The following HHLA1 variants were observed in gnomAD, a reference collection of about 807,000 sequenced individuals.
HHLA1 encodes the protein HERV-H LTR-associating protein 1.
HHLA1 carries 72 observed loss-of-function variants against 69.9 expected under a neutral mutation model. The ratio of observed to expected loss-of-function variants is 1.03; its 90% CI spans 0.85 to 1.25. The LOEUF is 1.25. Ranked by LOEUF, HHLA1 falls within the 50% of genes most tolerant of loss-of-function variation. The pLI is 0.00. For synonymous variants in HHLA1, 252 were observed against 233.2 expected (o/e 1.08, Z -0.73); for missense variants, 685 against 642.2 (o/e 1.07, Z -0.72).
intron 10 of HHLA1, among the ~76,000 whole-genome samples, chr8:132,081,638 C>A (rs1342968631): frequency 1.3e-5 from 2 of 152,104 alleles, no homozygotes; most frequent in Admixed American, 6.6e-5. Flanking sequence ...ACTGCGGTGG[C>A]CTTCTCAGAC....
Position 132,089,553 on chromosome 8 carries a change from G to T in HHLA1, c.495C>A (p.Tyr165Ter), listed in dbSNP as rs1823912950. Residue 165 changes from tyrosine to a stop codon, truncating the protein, a stop_gained, in exon 8 of 17, where the codon TAC (tyrosine) becomes TAA (stop). Transcript: ENST00000414222. LOFTEE classifies it high-confidence loss of function. ...AGGTTGACTTAAAAATCTCTGTGAG[G>T]TAGCTGGTAGAATTGCCGATGATAT... ...LVDIIGNSTS[Y>*]LTEIFKSTSI... 1 of 1,533,150 alleles carries T rather than the reference G, an allele frequency of 6.5e-7. No homozygotes were observed. Among genetic ancestry groups the T allele is most frequent in the South Asian group, 1.2e-5 (1 of 83,648 alleles). The allele number at this position is 1,533,150 out of a possible 1,614,324, so 95.0% of individuals were successfully genotyped here.
chr8:132,097,696 T>C (rs954002491), intron 5 of HHLA1, among the ~76,000 whole-genome samples: 1 of 152,182 alleles, frequency 6.6e-6, no homozygotes, highest in African/African-American at 2.4e-5. Flanking sequence ...TACAGGTAGA[T>C]CACTGCCTTC....
chr8:132,062,150 G>T lies in HHLA1; in HGVS notation c.*1845C>A, dbSNP rs1823364241. The T allele has an allele frequency of 6.6e-6, 1 of 152,202 alleles. No individual in the cohort carries two copies. Among genetic ancestry groups the T allele is most frequent in the African/African-American group, 2.4e-5 (1 of 41,456 alleles). 9.4% of individuals were successfully genotyped at this position (152,202 alleles called of 1,614,324 possible). A position where few individuals can be genotyped will look rare whatever the true frequency, so the allele number is the denominator to read the frequency against. On this transcript the variant is annotated 3_prime_UTR_variant, in exon 17 of 17. Transcript: ENST00000414222. ...AAATTAATCCATGCTTAATGAGTTT[G>T]CTTGGTTCCTATCCAGGTAGAAGTC...
rs1360368751 is a variant in HHLA1, at chr8:132,077,743, T to TG, written c.1153dup (p.Gln385ProfsTer31). 1 of 1,551,664 alleles carries TG rather than the reference T, an allele frequency of 6.4e-7. No individual in the cohort carries two copies. The highest frequency in any genetic ancestry group is 1.2e-5 in the South Asian group (1 of 84,060). On this transcript the variant is annotated frameshift_variant, in exon 12 of 17. Coordinates refer to ENST00000414222, the MANE Select transcript of HHLA1 (RefSeq NM_001145095.3). LOFTEE classifies it high-confidence loss of function. ...TCTCTTACCCAAGGTAGGGCTGGCCTGGGATGGGCTGCCAGGTGTGGCCAT... is the reference window on the plus strand; with the variant it reads ...TCTCTTACCCAAGGTAGGGCTGGCCTGGGGATGGGCTGCCAGGTGTGGCCAT...
chr8:132,070,201 G>A, intron 15 of HHLA1: 1 of 637,096 alleles, frequency 1.6e-6, no homozygotes, highest in Non-Finnish European at 2.8e-6. Context: ...ATTCATCTAT[G>A]TAATTTAGTT....
rs551847132 is a variant in HHLA1 at position 132,101,202 on chromosome 8, G to C, written c.140-1068C>G. On this transcript the variant is annotated intron_variant, in intron 3 of 16. Coordinates refer to ENST00000414222, the MANE Select transcript of HHLA1 (RefSeq NM_001145095.3). ...TCTGAAAAATGTGCCCTGCATTACA[G>C]AGTAAGTCAGGATTTAGGGCTGCCC... 26 of 1,550,044 alleles carry C rather than the reference G, an allele frequency of 1.7e-5. No individual in the cohort carries two copies. In the South Asian group the frequency reaches 1.9e-4, roughly 11 times the overall value.
rs3048490 is a variant in HHLA1, at chr8:132,102,792, ATTTTTTTTT to A, written c.139+1307_139+1315del. On this transcript the variant is annotated intron_variant, in intron 3 of 16. Transcript: ENST00000414222. ...TGTGTCATCTTCTTCACTGAGCACCATTTTTTTTTTTTTTTTTTTTTTTTTTAGCACTAT... is the reference window on the plus strand; with the variant it reads ...TGTGTCATCTTCTTCACTGAGCACCATTTTTTTTTTTTTTTTTAGCACTAT... Among the ~76,000 whole-genome samples, 91 of 143,892 alleles carry A rather than the reference ATTTTTTTTT, an allele frequency of 6.3e-4. 1 individual carries two copies. The highest frequency in any genetic ancestry group is 2.2e-3 in the African/African-American group (85 of 38,646). The allele number at this position is 143,892 out of a possible 152,430, so 94.4% of individuals were successfully genotyped here.
Position 132,064,039 on chromosome 8 carries a change from C to G in HHLA1, c.1553-1G>C, listed in dbSNP as rs1284959991. 1 of 1,301,872 alleles carries G rather than the reference C, an allele frequency of 7.7e-7. No individual in the cohort carries two copies. The allele number at this position is 1,301,872 out of a possible 1,614,324, so 80.6% of individuals were successfully genotyped here. A position where few individuals can be genotyped will look rare whatever the true frequency, so the allele number is the denominator to read the frequency against. On this transcript the variant is annotated splice_acceptor_variant, in intron 16 of 16. Coordinates refer to ENST00000414222, the MANE Select transcript of HHLA1 (RefSeq NM_001145095.3). LOFTEE classifies it high-confidence loss of function. ...TTCTCAAGGCACTTTTGCTTTAAGG[C>G]TGAAAAAAAAGCAGAAGAAGAAGGA... is the stretch of plus-strand genomic sequence containing the variant.
chr8:132,100,127 G>A lies in HHLA1; in HGVS notation c.147C>T (p.Gly49=), dbSNP rs765605974. The A allele has an allele frequency of 1.5e-5, 24 of 1,550,190 alleles. No homozygotes were observed. Among genetic ancestry groups the A allele is most frequent in the South Asian group, 2.4e-5 (2 of 84,028 alleles). Residue 49 remains glycine, a synonymous_variant, in exon 4 of 17, where the codon GGC becomes GGT. Coordinates refer to ENST00000414222, the MANE Select transcript of HHLA1 (RefSeq NM_001145095.3). ...GMTFLPTTVS[G]LREEERKEKG... Reference sequence around the variant, plus strand: ...TCTCCTTCCTCTCTTCTTCTCTAAGGCCAGACACTGGGAAGGAGACAGTTT... The same window carrying A: ...TCTCCTTCCTCTCTTCTTCTCTAAGACCAGACACTGGGAAGGAGACAGTTT...
Position 132,076,540 on chromosome 8 carries a change from G to T in HHLA1, c.1175C>A (p.Ala392Glu). ...SPSQASPTLG[A>E]FTHGTQTPSP... ...CGGAGTCTGTGTGCCATGGGTGAAT[G>T]CTCCTGGGAGGAGATGAGAGAGAGG... The change falls in exon 13 of 17, where the codon GCA becomes GAA. Residue 392 changes from alanine to glutamate, a missense_variant. Transcript: ENST00000414222. 1 of 1,525,558 alleles carries T rather than the reference G, an allele frequency of 6.6e-7. No homozygotes were observed. Among genetic ancestry groups the T allele is most frequent in the Non-Finnish European group, 8.8e-7 (1 of 1,135,670 alleles). 94.5% of individuals were successfully genotyped at this position (1,525,558 alleles called of 1,614,324 possible).
At position 132,108,604 on chromosome 8, in the gene HHLA1, A is replaced by G. The variant is rs77873489; in HGVS notation, c.-22+2498T>C. 1.1e-3 allele frequency among the ~76,000 whole-genome samples: 165 copies of G among 152,286 alleles called. 2 individuals are homozygous for G. Among genetic ancestry groups the G allele is most frequent in the African/African-American group, 3.7e-3 (154 of 41,582 alleles). On this transcript the variant is annotated intron_variant, in intron 1 of 16. Coordinates refer to ENST00000414222, the MANE Select transcript of HHLA1 (RefSeq NM_001145095.3). ...AATAATTATTTATTGAAGGGGATCA[A>G]AATATGCCAGCCAAAATATACTATC...
intron 16 of HHLA1, among the ~76,000 whole-genome samples, chr8:132,064,501 G>A (rs113562647): frequency 0.015 from 2,285 of 152,174 alleles, 50 homozygotes; most frequent in African/African-American, 0.051. Context: ...TTTGATTTCT[G>A]ACCACCCCAC....
At position 132,076,498 on chromosome 8, in the gene HHLA1, G is replaced by C; in HGVS notation, c.1217C>G (p.Thr406Arg). 3.2e-6 allele frequency: 5 copies of C among 1,539,744 alleles called. No homozygotes were observed. The highest frequency in any genetic ancestry group is 4.4e-6 in the Non-Finnish European group (5 of 1,143,226). The change falls in exon 13 of 17, where the codon ACA becomes AGA. Residue 406 changes from threonine (T) to arginine (R), a missense_variant. Transcript: ENST00000414222. ...GTQTPSPTKATAPRYPQTGDL... is the reference protein window; with the variant it reads ...GTQTPSPTKARAPRYPQTGDL... Reference sequence around the variant, plus strand: ...ACCTGTTTGTGGATATCTGGGGGCTGTTGCCTTGGTTGGACTCGGAGTCTG... The same window carrying C: ...ACCTGTTTGTGGATATCTGGGGGCTCTTGCCTTGGTTGGACTCGGAGTCTG...
At chr8:132,073,961 T>C (rs1244324808) in intron 14 of HHLA1, among the ~76,000 whole-genome samples, 1 of 151,778 alleles carries the variant, frequency 6.6e-6, no homozygotes, top group Admixed American at 6.6e-5. Flanking sequence ...CTTCTCCTGT[T>C]CCTCCCCATT....
At chr8:132,102,954 A>G (rs923295540) in intron 3 of HHLA1, among the ~76,000 whole-genome samples, 1 of 152,176 alleles carries the variant, frequency 6.6e-6, no homozygotes, top group Admixed American at 6.5e-5. Flanking sequence ...GCATTTTTCA[A>G]ATAAGTTCCC....
intron 7 of HHLA1, among the ~76,000 whole-genome samples, chr8:132,092,577 C>T (rs1057226802): frequency 1.3e-5 from 2 of 152,086 alleles, no homozygotes; most frequent in Non-Finnish European, 2.9e-5. Context: ...AAACACCTTT[C>T]CCCTTGTTCT....
intron 7 of HHLA1, among the ~76,000 whole-genome samples, chr8:132,091,590 C>A (rs1211391553): frequency 6.6e-6 from 1 of 152,172 alleles, no homozygotes; most frequent in African/African-American, 2.4e-5. Context: ...CAAAGATATT[C>A]TTTGCATTTA....
chr8:132,086,615 G>A (rs534525857), intron 10 of HHLA1, among the ~76,000 whole-genome samples: 9 of 150,162 alleles, frequency 6.0e-5, no homozygotes, highest in Admixed American at 1.3e-4. Flanking sequence ...TGAGACTGGC[G>A]TGTGTGTGTG....
chr8:132,066,964 G>T (rs969211901), intron 15 of HHLA1, among the ~76,000 whole-genome samples: 1 of 152,144 alleles, frequency 6.6e-6, no homozygotes, highest in African/African-American at 2.4e-5. Flanking sequence ...GGACTTGGTG[G>T]TTCTATAGAG....
Sources: allele counts gnomAD v4.1 joint callset (sites outside exome capture counted in the v4.1 genomes callset), GRCh38; gene constraint gnomAD v4.1.1; transcripts MANE v1.5; gene names NCBI Gene and HGNC (gene_info 2026-07-23, HGNC 2026-07-21).